Variants in CCDC33 observed in about 807,000 individuals in gnomAD.
The protein encoded by CCDC33 is coiled-coil domain-containing protein 33.
A neutral mutation model predicts 91.9 loss-of-function variants in CCDC33; 94 were observed. That is an observed-to-expected ratio of 1.02 (90% CI 0.87 to 1.21). The LOEUF (loss-of-function observed/expected upper bound fraction) is 1.21, where lower values mean the gene tolerates loss of function less well. Among genes scored for constraint, CCDC33 ranks in the 50% most tolerant of loss-of-function variants. The probability of loss-of-function intolerance (pLI) is 0.00; values close to 1 mark genes in which losing one functional copy is unlikely to be tolerated. For missense variants in CCDC33, 940 were observed against 935.5 expected (o/e 1.00, Z -0.06); for synonymous variants, 396 against 374.5 (o/e 1.06, Z -0.66).
rs898856942 is a variant in CCDC33 at position 74,251,633 on chromosome 15, A to T, written c.185+7485A>T. Among the ~76,000 whole-genome samples, 7 of 152,188 alleles carry T rather than the reference A, an allele frequency of 4.6e-5. No individual in the cohort carries two copies. In the East Asian group the frequency reaches 1.2e-3, roughly 25 times the overall value. ...GGGCAGGCTTGGGATGGCACAGGGG[A>T]GGTGGCACAGATCAGGGCCAGCTAG... On this transcript the variant is annotated intron_variant, in intron 2 of 18. Coordinates refer to ENST00000398814, the MANE Select transcript of CCDC33 (RefSeq NM_025055.5).
chr15:74,298,267 A>G lies in CCDC33; in HGVS notation c.1290+2319A>G, dbSNP rs2059727212. ...GTACTTATAAAACTTGATGATGATG[A>G]TGATGGTGGTGGTGATGATGGTGAT... On this transcript the variant is annotated intron_variant, in intron 11 of 18. Coordinates refer to ENST00000398814, the MANE Select transcript of CCDC33 (RefSeq NM_025055.5). Among the ~76,000 whole-genome samples the G allele has an allele frequency of 2.0e-5, 3 of 152,068 alleles. No homozygotes were observed. The South Asian group carries it at 6.2e-4, about 32-fold the overall frequency.
chr15:74,279,126 A>G (rs907717886), intron 7 of CCDC33, among the ~76,000 whole-genome samples: 1 of 152,236 alleles, frequency 6.6e-6, no homozygotes, highest in Admixed American at 6.5e-5. Context: ...CACATGTCCT[A>G]TAACCCAGCA....
Position 74,295,852 on chromosome 15 carries a change from G to A in CCDC33, c.1194G>A (p.Trp398Ter). ...AGCTGAGAACCATCCAAGAGTCCTG[G>A]TCCAAGGACACAGTGAGCTCCACAA... ...DKKLRTIQES[W>*]SKDTVSSTMD... Residue 398 changes from tryptophan to a stop codon, truncating the protein, a stop_gained, in exon 11 of 19, where the codon TGG (tryptophan) becomes TGA (stop). Transcript: ENST00000398814. LOFTEE classifies it high-confidence loss of function. 1 of 1,614,194 alleles carries A rather than the reference G, an allele frequency of 6.2e-7. No individual in the cohort carries two copies. The highest frequency in any genetic ancestry group is 8.5e-7 in the Non-Finnish European group (1 of 1,180,034).
chr15:74,235,573 A>G (rs562981746), upstream of CCDC33, among the ~76,000 whole-genome samples: 6 of 152,240 alleles, frequency 3.9e-5, no homozygotes, highest in Non-Finnish European at 7.4e-5. Context: ...TTCGAAGCCC[A>G]GTTCAGACCT....
At chr15:74,286,420 T>C (rs1343336125) in intron 10 of CCDC33, among the ~76,000 whole-genome samples, 2 of 151,962 alleles carry the variant, frequency 1.3e-5, no homozygotes, top group Admixed American at 6.6e-5. Flanking sequence ...GCAGCTTGGC[T>C]CTCTTAATGA....
intron 4 of CCDC33, among the ~76,000 whole-genome samples, chr15:74,267,445 T>A (rs1380406017): frequency 6.6e-6 from 1 of 152,214 alleles, no homozygotes; most frequent in Non-Finnish European, 1.5e-5. Flanking sequence ...CTGAGGCTCC[T>A]CACTCCAAGG....
chr15:74,333,826 C>T lies in CCDC33; in HGVS notation c.1939-55C>T, dbSNP rs1188230074. 3 of 1,459,254 alleles carry T rather than the reference C, an allele frequency of 2.1e-6. No individual in the cohort carries two copies. The African/African-American group carries it at 4.2e-5, about 20-fold the overall frequency. 90.4% of individuals were successfully genotyped at this position (1,459,254 alleles called of 1,614,324 possible). A position where few individuals can be genotyped will look rare whatever the true frequency, so the allele number is the denominator to read the frequency against. On this transcript the variant is annotated intron_variant, in intron 16 of 18. Transcript: ENST00000398814. The stretch of plus-strand genomic sequence containing the variant: ...TCAATACCTTATGGTTTCCCAAGCT[C>T]ACACTGCCACAGCCTCCAGCTGGGG...
chr15:74,312,471 C>A (rs1207205734), intron 11 of CCDC33, among the ~76,000 whole-genome samples: 1 of 152,204 alleles, frequency 6.6e-6, no homozygotes, highest in Non-Finnish European at 1.5e-5. Flanking sequence ...GTGCTACCGG[C>A]TGCAGATCCA....
chr15:74,271,063 T>C (rs910494390), intron 5 of CCDC33, among the ~76,000 whole-genome samples: 1 of 152,108 alleles, frequency 6.6e-6, no homozygotes, highest in East Asian at 1.9e-4. Flanking sequence ...AAACCAGTAC[T>C]TCCTGGGGAA....
chr15:74,308,065 G>A (rs146066552), intron 11 of CCDC33, among the ~76,000 whole-genome samples: 1,634 of 152,186 alleles, frequency 0.011, 17 homozygotes, highest in Middle Eastern at 0.051. Context: ...GGTCTAAAGC[G>A]GGCACGGGCT....
At position 74,281,677 on chromosome 15, in the gene CCDC33, C is replaced by A. The variant is rs896848326; in HGVS notation, c.1024-101C>A. 1.5e-5 allele frequency: 16 copies of A among 1,081,376 alleles called. No individual in the cohort carries two copies. In the African/African-American group the frequency reaches 2.5e-4, roughly 17 times the overall value. 67.0% of individuals were successfully genotyped at this position (1,081,376 alleles called of 1,614,324 possible). On this transcript the variant is annotated intron_variant, in intron 9 of 18. Coordinates refer to ENST00000398814, the MANE Select transcript of CCDC33 (RefSeq NM_025055.5). ...CTCCCTCCCACCCTCCTGGGTGCAG[C>A]CCGCAGGTGACACCTTCCAGAGAAA...
chr15:74,231,021 T>C (rs1251925164), intron 2 of CCDC33, among the ~76,000 whole-genome samples: 1 of 152,148 alleles, frequency 6.6e-6, no homozygotes, highest in Non-Finnish European at 1.5e-5. Flanking sequence ...GTCAGGACTA[T>C]CACAAAGTCT....
chr15:74,225,688 G>A (rs996046586), intron 2 of CCDC33, among the ~76,000 whole-genome samples: 2 of 152,176 alleles, frequency 1.3e-5, no homozygotes, highest in Non-Finnish European at 2.9e-5. Context: ...AGCACCAGGT[G>A]AGAAAGGGAC....
chr15:74,297,450 G>A (rs184378120), intron 11 of CCDC33, among the ~76,000 whole-genome samples: 4 of 152,234 alleles, frequency 2.6e-5, no homozygotes, highest in South Asian at 4.1e-4. Context: ...CTCACTACTT[G>A]GGCAGGCCGA....
At chr15:74,205,198 G>A (rs1039654138) in intron 1 of CCDC33, among the ~76,000 whole-genome samples, 4 of 152,162 alleles carry the variant, frequency 2.6e-5, no homozygotes, top group African/African-American at 9.7e-5. Context: ...GATACCAGAG[G>A]GGAGAGAGGG....
upstream of CCDC33, among the ~76,000 whole-genome samples, chr15:74,231,560 C>T (rs897535536): frequency 1.6e-4 from 25 of 152,172 alleles, no homozygotes; most frequent in Non-Finnish European, 5.9e-5. Flanking sequence ...AGGAGAGCTG[C>T]GACTCCTTTC....
At chr15:74,271,249 A>G (rs1343211014) in intron 5 of CCDC33, among the ~76,000 whole-genome samples, 4 of 152,058 alleles carry the variant, frequency 2.6e-5, no homozygotes, top group African/African-American at 9.7e-5. Context: ...TCTCTCACAA[A>G]CGATCTAATC....
chr15:74,331,099 G>A lies in CCDC33; in HGVS notation c.1664G>A (p.Arg555Gln), dbSNP rs560739204. The change falls in exon 14 of 19, where the codon CGG becomes CAG. Residue 555 changes from arginine to glutamine, a missense_variant. Arg to Gln is a conservative substitution (Grantham distance 43). Coordinates refer to ENST00000398814, the MANE Select transcript of CCDC33 (RefSeq NM_025055.5). ...QKMKALEETV[R>Q]HQEKVIEKME... ...ATGAAGGCGCTGGAGGAGACTGTGC[G>A]GCACCAAGAGAAGGCAGGTGGCAGA... The A allele has an allele frequency of 4.6e-5, 74 of 1,613,468 alleles. No homozygotes were observed. The highest frequency in any genetic ancestry group is 3.8e-4 in the East Asian group (17 of 44,874).
Position 74,266,753 on chromosome 15 carries a change from G to C in CCDC33, c.395G>C (p.Arg132Pro), listed in dbSNP as rs781008556. 1.4e-5 allele frequency: 23 copies of C among 1,614,116 alleles called. No individual in the cohort carries two copies. The highest frequency in any genetic ancestry group is 1.9e-5 in the Non-Finnish European group (22 of 1,179,956). ...LSYKIPIKYLRVFHPYHFELV... is the reference protein window; with the variant it reads ...LSYKIPIKYLPVFHPYHFELV... ...TACAAAATCCCCATCAAGTACCTGC[G>C]TGTCTTCCACCCCTACCACTTTGAG... Residue 132 changes from arginine (R) to proline (P), a missense_variant, in exon 4 of 19, where the codon CGT (arginine) becomes CCT (proline). Physicochemically the swap from Arg to Pro is moderately radical, Grantham distance 103. Transcript: ENST00000398814.
Sources: allele counts gnomAD v4.1 joint callset (sites outside exome capture counted in the v4.1 genomes callset), GRCh38; gene constraint gnomAD v4.1.1; transcripts MANE v1.5; gene names NCBI Gene and HGNC (gene_info 2026-07-23, HGNC 2026-07-21).